Variants in ACACA observed in about 807,000 individuals in gnomAD.
ACACA encodes the protein acetyl-CoA carboxylase alpha.
A neutral mutation model predicts 296.1 loss-of-function variants in ACACA; 103 were observed. That is an observed-to-expected ratio of 0.35 (90% CI 0.30 to 0.41). ACACA has a LOEUF of 0.41. Ranked by LOEUF, ACACA falls within the 10% of genes least tolerant of loss-of-function variation. The probability of loss-of-function intolerance (pLI) is 1.00; values close to 1 mark genes in which losing one functional copy is unlikely to be tolerated. For synonymous variants in ACACA, 953 were observed against 1,038.6 expected (o/e 0.92, Z 1.58); for missense variants, 1,554 against 2,989.7 (o/e 0.52, Z 11.20).
chr17:37,272,857 G>C (rs2082127328), intron 9 of ACACA, among the ~76,000 whole-genome samples: 1 of 152,092 alleles, frequency 6.6e-6, no homozygotes, highest in Non-Finnish European at 1.5e-5. Flanking sequence ...ATAAATCTAT[G>C]AGTTGAAAAG....
chr17:37,096,742 T>G (rs2073015173), intron 54 of ACACA, among the ~76,000 whole-genome samples: 1 of 152,208 alleles, frequency 6.6e-6, no homozygotes, highest in Admixed American at 6.5e-5. Context: ...CAGTGTCTAG[T>G]ACCCAGTAAG....
rs556839317 is a variant in ACACA, at chr17:37,370,078, G to A, written c.39-30228C>T. Among the ~76,000 whole-genome samples the A allele has an allele frequency of 2.5e-4, 37 of 149,704 alleles. No homozygotes were observed. The East Asian group carries it at 2.6e-3, about 11-fold the overall frequency. On this transcript the variant is annotated intron_variant, in intron 1 of 55. Transcript: ENST00000616317. ...GGCTGGAGTGCAGTGGCCCAATCTC[G>A]GCTCTGCAACCTCTGCCTCCTGGGT...
chr17:37,112,479 A>T (rs1460031810), intron 51 of ACACA, among the ~76,000 whole-genome samples: 1 of 152,252 alleles, frequency 6.6e-6, no homozygotes, highest in Non-Finnish European at 1.5e-5. Flanking sequence ...AAATATAACA[A>T]GAGGCAGAAC....
chr17:37,393,000 G>A (rs918783156), intron 1 of ACACA, among the ~76,000 whole-genome samples: 1 of 151,834 alleles, frequency 6.6e-6, no homozygotes, highest in Non-Finnish European at 1.5e-5. Context: ...AAATTAGCCG[G>A]GCATGGTGGA....
rs1165828702 is a variant in ACACA, at chr17:37,260,296, A to ATTTTTTT, written c.1330-773_1330-767dup. Among the ~76,000 whole-genome samples, 19 of 18,980 alleles carry ATTTTTTT rather than the reference A, an allele frequency of 1.0e-3. 2 individuals carry two copies. The highest frequency in any genetic ancestry group is 3.5e-3 in the Admixed American group (3 of 848). The allele number at this position is 18,980 out of a possible 152,430, so 12.5% of individuals were successfully genotyped here. On this transcript the variant is annotated intron_variant, in intron 11 of 55. Transcript: ENST00000616317. ...TATATATATATATATATATATATAT[A>ATTTTTTT]TTTTTTTTTTTTTTTTTTTTGGAGA...
rs2074749599 is a variant in ACACA at position 37,125,724 on chromosome 17, T to C, written c.6015A>G (p.Ala2005=). The C allele has an allele frequency of 1.2e-6, 2 of 1,614,036 alleles. No homozygotes were observed. Among genetic ancestry groups the C allele is most frequent in the Middle Eastern group, 1.6e-4 (1 of 6,062 alleles). ...TGGCTCTACCAACCACCACAGTCTG[T>C]GCCCAGGGCTGCATAATCTCTGAGA... The part of the protein sequence containing the change: ...GSFSEIMQPW[A]QTVVVGRARL... Residue 2005 remains alanine (A), a synonymous_variant, in exon 48 of 56, where the codon GCA becomes GCG. Coordinates refer to ENST00000616317, the MANE Select transcript of ACACA (RefSeq NM_198834.3).
chr17:37,258,401 A>G (rs1372264144), intron 12 of ACACA, 28 bp from the exon 13 acceptor site: 1 of 1,610,700 alleles, frequency 6.2e-7, no homozygotes, highest in East Asian at 2.2e-5. Context: ...ACACATCTTT[A>G]ATTTTTCAGT....
intron 10 of ACACA, among the ~76,000 whole-genome samples, chr17:37,267,037 T>TA (rs1276681176): frequency 6.6e-6 from 1 of 152,248 alleles, no homozygotes; most frequent in African/African-American, 2.4e-5. Flanking sequence ...GTCAATGTCT[T>TA]ACGTTTTACT....
intron 5 of ACACA, among the ~76,000 whole-genome samples, chr17:37,282,845 G>C (rs1567937819): frequency 6.6e-6 from 1 of 151,944 alleles, no homozygotes. Context: ...GTCCCAAAAG[G>C]TCTCTCCCTC....
intron 10 of ACACA, 24 bp from the exon 11 acceptor site, chr17:37,263,918 A>C (rs112793298): frequency 7.5e-6 from 12 of 1,599,846 alleles, no homozygotes; most frequent in Non-Finnish European, 1.0e-5. Context: ...GGGGGAAAAA[A>C]AAAACCAATT....
intron 43 of ACACA, among the ~76,000 whole-genome samples, chr17:37,153,705 T>A (rs1009643978): frequency 6.6e-6 from 1 of 152,194 alleles, no homozygotes; most frequent in Non-Finnish European, 1.5e-5. Context: ...AAATACTTAT[T>A]GTTTAACTAC....
chr17:37,360,933 C>T (rs2049380528), intron 1 of ACACA, among the ~76,000 whole-genome samples: 1 of 152,058 alleles, frequency 6.6e-6, no homozygotes, highest in African/African-American at 2.4e-5. Flanking sequence ...CTGAAGCTGA[C>T]ATGAAGGGAG....
intron 36 of ACACA, among the ~76,000 whole-genome samples, chr17:37,193,103 A>G (rs2077829873): frequency 2.0e-5 from 3 of 152,200 alleles, no homozygotes; most frequent in Admixed American, 2.0e-4. Flanking sequence ...GTCCTTTAAT[A>G]TCACATCATT....
At chr17:37,270,228 A>G (rs1302296442) in intron 10 of ACACA, among the ~76,000 whole-genome samples, 1 of 152,178 alleles carries the variant, frequency 6.6e-6, no homozygotes, top group Admixed American at 6.5e-5. Context: ...TAGGGTATAG[A>G]GTGCTGGGAC....
intron 29 of ACACA, among the ~76,000 whole-genome samples, chr17:37,213,348 CAAAAAAA>C (rs11353673): frequency 5.2e-4 from 41 of 78,622 alleles, no homozygotes; most frequent in Middle Eastern, 6.5e-3. Flanking sequence ...AAGTAAGTCT[CAAAAAAA>C]AAAAAAAAAA....
At chr17:37,382,083 C>G (rs1417492504) in intron 1 of ACACA, among the ~76,000 whole-genome samples, 1 of 152,036 alleles carries the variant, frequency 6.6e-6, no homozygotes. Context: ...TTCACTATTA[C>G]TCAGTATCTA....
intron 45 of ACACA, among the ~76,000 whole-genome samples, chr17:37,137,659 G>A (rs777425435): frequency 6.6e-6 from 1 of 152,092 alleles, no homozygotes; most frequent in Non-Finnish European, 1.5e-5. Context: ...AATGTGTAGT[G>A]GCTTTCTGAA....
chr17:37,344,041 T>C (rs1238448088), intron 1 of ACACA, among the ~76,000 whole-genome samples: 1 of 150,508 alleles, frequency 6.6e-6, no homozygotes, highest in Non-Finnish European at 1.5e-5. Flanking sequence ...ACAATTACAG[T>C]AGTATAATAA....
intron 45 of ACACA, among the ~76,000 whole-genome samples, chr17:37,135,472 C>T (rs1341607596): frequency 6.6e-6 from 1 of 152,096 alleles, no homozygotes; most frequent in Non-Finnish European, 1.5e-5. Context: ...GATTCAAGAC[C>T]ATTTGCTATA....
Sources: gnomAD v4.1 joint callset for allele counts (sites outside exome capture counted in the v4.1 genomes callset) on GRCh38, gnomAD v4.1.1 for gene constraint, MANE v1.5 for transcripts, NCBI Gene and HGNC (gene_info 2026-07-23, HGNC 2026-07-21) for gene names.